CHST4: variants seen among roughly 807,000 people sequenced by gnomAD.
CHST4 encodes the protein carbohydrate sulfotransferase 4, also known as GST-3.
For synonymous variants in CHST4, 171 were observed against 195.5 expected (o/e 0.87, Z 1.05); for missense variants, 466 against 506.0 (o/e 0.92, Z 0.76).
At position 71,536,842 on chromosome 16, in the gene CHST4, T is replaced by C; in HGVS notation, c.165T>C (p.Ser55=). 1.3e-6 allele frequency: 2 copies of C among 1,545,776 alleles called. No individual in the cohort carries two copies. The highest frequency in any genetic ancestry group is 1.7e-6 in the Non-Finnish European group (2 of 1,146,642). ...TTCTGTCTTCCTGGCGCTCTGGCTC[T>C]TCTTTTGTGGGGCAGCTTTTTGGGC... is the stretch of plus-strand genomic sequence containing the variant. ...VLVLSSWRSG[S]SFVGQLFGQH... The change falls in exon 2 of 2, where the codon TCT becomes TCC. Residue 55 remains serine (S), a synonymous_variant. Coordinates refer to ENST00000539698, the MANE Select transcript of CHST4 (RefSeq NM_001166395.2).
chr16:71,537,152 C>T lies in CHST4; in HGVS notation c.475C>T (p.Gln159Ter), dbSNP rs1017737421. 12 of 1,614,066 alleles carry T rather than the reference C, an allele frequency of 7.4e-6. No homozygotes were observed. The highest frequency in any genetic ancestry group is 1.1e-5 in the South Asian group (1 of 91,084). The change falls in exon 2 of 2, where the codon CAG becomes TAG. Residue 159 changes from glutamine to a stop codon, truncating the protein, a stop_gained. Transcript: ENST00000539698. LOFTEE classifies it low-confidence loss of function (END_TRUNC). The surrounding 1 kb of genome is among the most constrained non-coding windows in gnomAD (Gnocchi z 4.2). ...TCACTGCAGGCTCCTGTGCAGTCAA[C>T]AGCCCTTTGAGGTGGTGGAGAAGGC... Reference protein sequence around the residue: ...RAHCRLLCSQQPFEVVEKACR... With the variant: ...RAHCRLLCSQ
At chr16:71,532,457 C>A in intron 1 of CHST4, among the ~76,000 whole-genome samples, 1 of 152,146 alleles carries the variant, frequency 6.6e-6, no homozygotes, top group Admixed American at 6.5e-5. Flanking sequence ...ATGAGATGAT[C>A]CTCATTGGAT....
intron 1 of CHST4, among the ~76,000 whole-genome samples, chr16:71,536,380 T>C (rs2043988458): frequency 6.6e-6 from 1 of 152,062 alleles, no homozygotes; most frequent in Non-Finnish European, 1.5e-5. Context: ...TATGGTTGAG[T>C]TCAGATATTT....
At chr16:71,529,107 GTT>G (rs397717246) in intron 1 of CHST4, among the ~76,000 whole-genome samples, 1 of 136,072 alleles carries the variant, frequency 7.3e-6, no homozygotes, top group Admixed American at 7.4e-5. Context: ...TTTGTTTTTT[GTT>G]TTTTTTTTTT....
intron 1 of CHST4, among the ~76,000 whole-genome samples, chr16:71,532,949 C>T (rs1336192055): frequency 6.6e-6 from 1 of 152,072 alleles, no homozygotes; most frequent in Non-Finnish European, 1.5e-5. Flanking sequence ...AACTACTTTA[C>T]GAACTGCCCT....
chr16:71,531,206 G>A (rs1263863184), intron 1 of CHST4, among the ~76,000 whole-genome samples: 1 of 152,220 alleles, frequency 6.6e-6, no homozygotes, highest in East Asian at 1.9e-4. Context: ...CAATGGGAGA[G>A]TGGGATTCGA....
intron 1 of CHST4, 59 bp from the exon 2 acceptor site, chr16:71,536,590 CCAGAAGGGGAA>C: frequency 2.5e-6 from 3 of 1,221,454 alleles, no homozygotes; most frequent in Non-Finnish European, 3.2e-6. Context: ...GTGGCTTTGG[CCAGAAGGGGAA>C]TAGAAGGCAA....
intron 1 of CHST4, among the ~76,000 whole-genome samples, chr16:71,534,466 T>C (rs1250024868): frequency 6.6e-6 from 1 of 151,422 alleles, no homozygotes; most frequent in Non-Finnish European, 1.5e-5. Flanking sequence ...CAAGTGATTC[T>C]CCTACCTCAG....
Position 71,536,890 on chromosome 16 carries a change from G to A in CHST4, c.213G>A (p.Leu71=). ...LFGQHPDVFY[L]MEPAWHVWMT... The stretch of plus-strand genomic sequence containing the variant: ...GGCAGCACCCAGATGTTTTCTACCT[G>A]ATGGAGCCCGCCTGGCACGTGTGGA... Residue 71 remains leucine, a synonymous_variant, in exon 2 of 2, where the codon CTG becomes CTA. Coordinates refer to ENST00000539698, the MANE Select transcript of CHST4 (RefSeq NM_001166395.2). The A allele has an allele frequency of 6.3e-7, 1 of 1,588,074 alleles. No homozygotes were observed. The highest frequency in any genetic ancestry group is 1.2e-5 in the South Asian group (1 of 86,536).
At chr16:71,532,751 G>C (rs911204287) in intron 1 of CHST4, among the ~76,000 whole-genome samples, 3 of 152,162 alleles carry the variant, frequency 2.0e-5, no homozygotes, top group African/African-American at 4.8e-5. Flanking sequence ...TCAGTATGAA[G>C]GCTACCTTCA....
chr16:71,538,028 G>A lies in CHST4; in HGVS notation c.*190G>A, dbSNP rs1435835761. On this transcript the variant is annotated 3_prime_UTR_variant, in exon 2 of 2. Coordinates refer to ENST00000539698, the MANE Select transcript of CHST4 (RefSeq NM_001166395.2). ...ATGCTTGTGTCTAGAAAACAGACTG[G>A]GGAACCTTATGTGAGCAGCACATCC... is the stretch of plus-strand genomic sequence containing the variant. 7 of 616,126 alleles carry A rather than the reference G, an allele frequency of 1.1e-5. No homozygotes were observed. The highest frequency in any genetic ancestry group is 2.0e-5 in the Non-Finnish European group (7 of 343,242). 38.2% of individuals were successfully genotyped at this position (616,126 alleles called of 1,614,324 possible). A position where few individuals can be genotyped will look rare whatever the true frequency, so the allele number is the denominator to read the frequency against.
rs2044011828 is a variant in CHST4 at position 71,538,617 on chromosome 16, T to G, written c.*779T>G. 6.0e-6 allele frequency: 1 copy of G among 166,650 alleles called. No homozygotes were observed. 10.3% of individuals were successfully genotyped at this position (166,650 alleles called of 1,614,324 possible). ...AATAGATGTAATCATCTTTATTGGT[T>G]TTTTAAAACACCTTTGCTATTATCT... On this transcript the variant is annotated 3_prime_UTR_variant, in exon 2 of 2. Transcript: ENST00000539698.
intron 1 of CHST4, among the ~76,000 whole-genome samples, chr16:71,530,098 A>T (rs138943076): frequency 6.6e-6 from 1 of 151,948 alleles, no homozygotes; most frequent in African/African-American, 2.4e-5. Context: ...AGATCATGCC[A>T]CTGCACTCCA....
At chr16:71,527,224 TAATTGG>T (rs1262078708) in intron 1 of CHST4, among the ~76,000 whole-genome samples, 1 of 152,222 alleles carries the variant, frequency 6.6e-6, no homozygotes, top group Non-Finnish European at 1.5e-5. Context: ...ATGAAACTTC[TAATTGG>T]AATTGAAATA....
chr16:71,536,201 G>C (rs193224673), intron 1 of CHST4, among the ~76,000 whole-genome samples: 7 of 152,168 alleles, frequency 4.6e-5, no homozygotes, highest in African/African-American at 1.7e-4. Context: ...CAGTGGCTTC[G>C]AGGCAGTTCT....
chr16:71,531,610 C>A (rs1597035728), intron 1 of CHST4, among the ~76,000 whole-genome samples: 1 of 152,290 alleles, frequency 6.6e-6, no homozygotes, highest in Middle Eastern at 3.4e-3. Context: ...TTCAGGCCAG[C>A]AGCAGTTGGC....
At chr16:71,526,313 G>A (rs2043906783), upstream of CHST4, 1 of 152,238 alleles carries the variant, frequency 6.6e-6, no homozygotes, top group Non-Finnish European at 1.5e-5. Flanking sequence ...GTCTTGCAAG[G>A]TGGGTCCTTT....
chr16:71,532,369 C>T (rs1374468057), intron 1 of CHST4, among the ~76,000 whole-genome samples: 1 of 152,040 alleles, frequency 6.6e-6, no homozygotes, highest in Non-Finnish European at 1.5e-5. Flanking sequence ...TTCTAATCTG[C>T]AGGGCTAAGA....
intron 1 of CHST4, among the ~76,000 whole-genome samples, chr16:71,533,496 G>A (rs998827409): frequency 6.6e-6 from 1 of 151,730 alleles, no homozygotes; most frequent in African/African-American, 2.4e-5. Context: ...GGCAGGTGAG[G>A]TCAGGTGCTG....
Sources: gnomAD v4.1 joint callset for allele counts (sites outside exome capture counted in the v4.1 genomes callset) on GRCh38, gnomAD v4.1.1 for gene constraint, Gnocchi (gnomAD v3.1) non-coding constraint, MANE v1.5 for transcripts, NCBI Gene and HGNC (gene_info 2026-07-23, HGNC 2026-07-21) for gene names.